CCR5AS: variants seen among roughly 807,000 people sequenced by gnomAD.
CCR5AS encodes the protein CCR5 antisense RNA.
chr3:46,396,099 A>G (rs1046666766), intron 1 of CCR5AS, among the ~76,000 whole-genome samples: 1 of 152,214 alleles, frequency 6.6e-6, no homozygotes, highest in Non-Finnish European at 1.5e-5. Context: ...CCTTTCCTGC[A>G]CAGTTACAAT....
At chr3:46,393,732 T>A (rs914454173) in intron 1 of CCR5AS, among the ~76,000 whole-genome samples, 3 of 151,968 alleles carry the variant, frequency 2.0e-5, no homozygotes, top group African/African-American at 7.3e-5. Context: ...CAACATAGAG[T>A]GACACGTGCT....
chr3:46,398,467 A>G (rs1203250820), intron 1 of CCR5AS, among the ~76,000 whole-genome samples: 1 of 152,226 alleles, frequency 6.6e-6, no homozygotes, highest in Non-Finnish European at 1.5e-5. Context: ...ACCCTTAAAG[A>G]TTTGATGAAA....
intron 2 of CCR5AS, among the ~76,000 whole-genome samples, chr3:46,376,715 C>T (rs1446912546): frequency 6.6e-6 from 1 of 152,124 alleles, no homozygotes; most frequent in Non-Finnish European, 1.5e-5. Flanking sequence ...TCATGACAAT[C>T]ATGTACATTT....
chr3:46,373,044 A>G (rs1299467349), intron 2 of CCR5AS: 2 of 1,614,054 alleles, frequency 1.2e-6, no homozygotes, highest in Non-Finnish European at 1.7e-6. Flanking sequence ...TTTTGTGGGC[A>G]ACATGCTGGT....
At chr3:46,394,028 G>A (rs1701938548) in intron 1 of CCR5AS, among the ~76,000 whole-genome samples, 1 of 152,156 alleles carries the variant, frequency 6.6e-6, no homozygotes, top group South Asian at 2.1e-4. Context: ...GTGCTCCCCA[G>A]CCAATCTTTT....
chr3:46,393,622 A>G lies in CCR5AS; in HGVS notation n.164-570T>C, dbSNP rs563336410. Among the ~76,000 whole-genome samples the G allele has an allele frequency of 4.8e-4, 73 of 152,332 alleles. No individual in the cohort carries two copies. The Middle Eastern group carries it at 0.02, about 43-fold the overall frequency. ...TTCAACAGATATTTATTGAGAAGCA[A>G]GTATGCTGGTGCTAGGGTTACAACA... On this transcript the variant is annotated intron_variant and non_coding_transcript_variant, in intron 1 of 3. Transcript: ENST00000451485.
At chr3:46,385,886 G>A (rs537494163) in intron 2 of CCR5AS, among the ~76,000 whole-genome samples, 125 of 152,036 alleles carry the variant, frequency 8.2e-4, no homozygotes, top group African/African-American at 2.9e-3. Context: ...GACTACAGGC[G>A]CCCACCACAA....
At chr3:46,372,915 G>A (rs763192695) in intron 2 of CCR5AS, 5 of 1,586,748 alleles carry the variant, frequency 3.2e-6, no homozygotes, top group Non-Finnish European at 4.3e-6. Flanking sequence ...GGATTATCAA[G>A]TGTCAAGTCC....
chr3:46,386,620 C>T (rs1022093783), intron 2 of CCR5AS, among the ~76,000 whole-genome samples: 16 of 152,282 alleles, frequency 1.1e-4, no homozygotes, highest in African/African-American at 3.4e-4. Flanking sequence ...AATTGTTGCA[C>T]ATTAACAGTG....
At chr3:46,381,638 A>G (rs1291791533) in intron 2 of CCR5AS, among the ~76,000 whole-genome samples, 1 of 152,244 alleles carries the variant, frequency 6.6e-6, no homozygotes, top group Non-Finnish European at 1.5e-5. Context: ...GTCTATGTTC[A>G]CTTTAAAATT....
chr3:46,372,892 G>A (rs1035696834), intron 2 of CCR5AS: 2 of 1,559,622 alleles, frequency 1.3e-6, no homozygotes, highest in Non-Finnish European at 1.7e-6. Flanking sequence ...TTATGCACAG[G>A]GTGGAACAAG....
intron 2 of CCR5AS, among the ~76,000 whole-genome samples, chr3:46,381,021 T>C (rs1312503146): frequency 6.6e-6 from 1 of 152,190 alleles, no homozygotes; most frequent in Non-Finnish European, 1.5e-5. Flanking sequence ...TTAAAGCATG[T>C]GAATCTAGAC....
At chr3:46,401,463 G>C (rs1414742703) in intron 1 of CCR5AS, among the ~76,000 whole-genome samples, 1 of 152,246 alleles carries the variant, frequency 6.6e-6, no homozygotes, top group African/African-American at 2.4e-5. Context: ...AGCTGGGAAA[G>C]CCATGAGATC....
chr3:46,377,638 A>G (rs1701775101), intron 2 of CCR5AS, among the ~76,000 whole-genome samples: 1 of 152,198 alleles, frequency 6.6e-6, no homozygotes, highest in African/African-American at 2.4e-5. Flanking sequence ...TATAATGAAA[A>G]CATAAGAATT....
chr3:46,390,642 G>A (rs113227527), intron 2 of CCR5AS, among the ~76,000 whole-genome samples: 1,786 of 152,240 alleles, frequency 0.012, 46 homozygotes, highest in African/African-American at 0.04. Flanking sequence ...AGGGGAGGAT[G>A]TGAAACAGGT....
chr3:46,399,680 A>G (rs1701990282), intron 1 of CCR5AS, among the ~76,000 whole-genome samples: 1 of 152,182 alleles, frequency 6.6e-6, no homozygotes, highest in African/African-American at 2.4e-5. Context: ...TTAGAGGAGC[A>G]ACTCTGTCCA....
intron 2 of CCR5AS, among the ~76,000 whole-genome samples, chr3:46,391,701 G>A (rs193258745): frequency 2.3e-4 from 35 of 152,296 alleles, no homozygotes; most frequent in African/African-American, 8.4e-4. Flanking sequence ...GTGGGGGAGG[G>A]CTAGTTGTGG....
At position 46,366,077 on chromosome 3, in the gene CCR5AS, A is replaced by G. The variant is rs533730001; in HGVS notation, n.566-1032T>C. Among the ~76,000 whole-genome samples, 72 of 152,292 alleles carry G rather than the reference A, an allele frequency of 4.7e-4. 1 individual carries two copies. Among genetic ancestry groups the G allele is most frequent in the Non-Finnish European group, 7.1e-4 (48 of 68,018 alleles). On this transcript the variant is annotated intron_variant and non_coding_transcript_variant, in intron 3 of 3. Coordinates refer to ENST00000451485, the Ensembl canonical transcript of CCR5AS. ...TTCCCCACCAATCCTGCCCACTTCT[A>G]CAATCCATTCATTATCCTAATTGCC...
chr3:46,381,660 G>A (rs963947864), intron 2 of CCR5AS, among the ~76,000 whole-genome samples: 1 of 152,160 alleles, frequency 6.6e-6, no homozygotes, highest in Non-Finnish European at 1.5e-5. Flanking sequence ...CTCTACTTAG[G>A]TTTACTGCCA....
Sources: gnomAD v4.1 joint callset for allele counts (sites outside exome capture counted in the v4.1 genomes callset) on GRCh38, gnomAD v4.1.1 for gene constraint, MANE v1.5 for transcripts, NCBI Gene and HGNC (gene_info 2026-07-23, HGNC 2026-07-21) for gene names.